CNOT10: variants seen among roughly 807,000 people sequenced by gnomAD.
CNOT10 encodes the protein CCR4-NOT transcription complex subunit 10.
Under a neutral mutation model 94.6 loss-of-function variants are expected in CNOT10, and 30 were observed. That is an observed-to-expected ratio of 0.32 (90% CI 0.24 to 0.43). The LOEUF is 0.43. Ranked by LOEUF, CNOT10 falls within the 20% of genes least tolerant of loss-of-function variation. The pLI, the probability that CNOT10 is intolerant of heterozygous loss-of-function variation, is 1.00. For missense variants in CNOT10, 759 were observed against 877.2 expected (o/e 0.87, Z 1.70); for synonymous variants, 289 against 301.6 (o/e 0.96, Z 0.43).
chr3:32,694,566 T>C (rs1312188719), intron 1 of CNOT10, among the ~76,000 whole-genome samples: 1 of 152,122 alleles, frequency 6.6e-6, no homozygotes, highest in Non-Finnish European at 1.5e-5. Context: ...CATGCTGATA[T>C]TGTTTTTTCT....
chr3:32,751,101 GAA>G (rs112401358), intron 13 of CNOT10, among the ~76,000 whole-genome samples: 1 of 151,114 alleles, frequency 6.6e-6, no homozygotes, highest in African/African-American at 2.4e-5. Context: ...AAATTTCAAT[GAA>G]AAAAAAATTT....
intron 10 of CNOT10, 69 bp from the exon 11 acceptor site, chr3:32,733,354 A>C: frequency 4.4e-4 from 458 of 1,029,662 alleles, no homozygotes; most frequent in Middle Eastern, 6.4e-4. Flanking sequence ...TGTGAGAGAT[A>C]TTCCCTCATT....
At chr3:32,750,250 T>C (rs1699903588) in intron 13 of CNOT10, among the ~76,000 whole-genome samples, 2 of 152,082 alleles carry the variant, frequency 1.3e-5, no homozygotes, top group South Asian at 2.1e-4. Context: ...ATCCCAGCAC[T>C]GTGGGAGGCC....
chr3:32,688,272 A>G (rs1022444163), intron 1 of CNOT10, among the ~76,000 whole-genome samples: 6 of 152,214 alleles, frequency 3.9e-5, no homozygotes, highest in Admixed American at 3.3e-4. Flanking sequence ...TGTAAATAAA[A>G]TGAAAAATAA....
rs1700506370 is a variant in CNOT10 at position 32,762,767 on chromosome 3, A to T, written c.1744A>T (p.Ile582Phe). ...LGHLYAAEAL[I>F]SLDRISDAIT... ...ACATTTATATGCTGCAGAAGCCCTCATCTCTCTCGACAGAATATCTGATGC... is the reference window on the plus strand; with the variant it reads ...ACATTTATATGCTGCAGAAGCCCTCTTCTCTCTCGACAGAATATCTGATGC... Residue 582 changes from isoleucine to phenylalanine, a missense_variant, in exon 15 of 19, where the codon ATC (isoleucine) becomes TTC (phenylalanine). Coordinates refer to ENST00000328834, the MANE Select transcript of CNOT10 (RefSeq NM_015442.3). 1 of 1,592,022 alleles carries T rather than the reference A, an allele frequency of 6.3e-7. No homozygotes were observed. Among genetic ancestry groups the T allele is most frequent in the Non-Finnish European group, 8.5e-7 (1 of 1,174,626 alleles).
chr3:32,685,224 A>C lies in CNOT10; in HGVS notation c.-237A>C. The C allele has an allele frequency of 2.1e-6, 1 of 481,576 alleles. No homozygotes were observed. Among genetic ancestry groups the C allele is most frequent in the Non-Finnish European group, 3.8e-6 (1 of 266,318 alleles). 29.8% of individuals were successfully genotyped at this position (481,576 alleles called of 1,614,324 possible). On this transcript the variant is annotated 5_prime_UTR_variant, in exon 1 of 19. It removes an upstream start codon present in the reference 5' UTR. Coordinates refer to ENST00000328834, the MANE Select transcript of CNOT10 (RefSeq NM_015442.3). Reference sequence around the variant, plus strand: ...GGACGCCGTGAGGCGGAAGCTGTGTATGGCGGGAGGCTGTGGCGGTCCCTT... The same window carrying C: ...GGACGCCGTGAGGCGGAAGCTGTGTCTGGCGGGAGGCTGTGGCGGTCCCTT...
At chr3:32,753,760 G>C in intron 13 of CNOT10, 1 of 1,601,570 alleles carries the variant, frequency 6.2e-7, no homozygotes, top group Non-Finnish European at 8.5e-7. Flanking sequence ...GATCTATTCA[G>C]ATGGTTCTGA....
At chr3:32,719,671 A>C (rs1423803164) in intron 7 of CNOT10, among the ~76,000 whole-genome samples, 1 of 151,774 alleles carries the variant, frequency 6.6e-6, no homozygotes, top group Admixed American at 6.6e-5. Flanking sequence ...TTTTTTTCCT[A>C]TTTGGAAAAG....
chr3:32,691,256 G>A (rs1441201700), intron 1 of CNOT10, among the ~76,000 whole-genome samples: 2 of 151,048 alleles, frequency 1.3e-5, no homozygotes, highest in African/African-American at 4.9e-5. Context: ...CTGTCTCCTG[G>A]GTTCAAGTGA....
At chr3:32,686,654 A>G (rs1696612305) in intron 1 of CNOT10, among the ~76,000 whole-genome samples, 1 of 152,202 alleles carries the variant, frequency 6.6e-6, no homozygotes, top group South Asian at 2.1e-4. Context: ...GGAAAGGTGG[A>G]TGAGGGAGAG....
intron 8 of CNOT10, among the ~76,000 whole-genome samples, chr3:32,721,221 G>T (rs1341127424): frequency 6.6e-6 from 1 of 150,934 alleles, no homozygotes; most frequent in Non-Finnish European, 1.5e-5. Flanking sequence ...GCACCACCAT[G>T]CTCAGCTAAT....
At chr3:32,688,932 G>A (rs559720423) in intron 1 of CNOT10, among the ~76,000 whole-genome samples, 13 of 152,254 alleles carry the variant, frequency 8.5e-5, no homozygotes, top group Non-Finnish European at 1.5e-4. Flanking sequence ...AAGGCCGGAC[G>A]TGGTGGCTCA....
At chr3:32,725,918 G>A (rs1698643849) in intron 9 of CNOT10, among the ~76,000 whole-genome samples, 3 of 133,806 alleles carry the variant, frequency 2.2e-5, no homozygotes. Flanking sequence ...GCCAAACTAG[G>A]TTTATTATAG....
intron 13 of CNOT10, among the ~76,000 whole-genome samples, chr3:32,754,874 G>T (rs1186134141): frequency 6.7e-6 from 1 of 148,658 alleles, no homozygotes; most frequent in Non-Finnish European, 1.5e-5. Context: ...CTGTGGGGTA[G>T]CCCTGTTCTC....
At chr3:32,699,794 G>A (rs1279976747) in intron 1 of CNOT10, among the ~76,000 whole-genome samples, 1 of 152,120 alleles carries the variant, frequency 6.6e-6, no homozygotes, top group Non-Finnish European at 1.5e-5. Context: ...AAAGGAGCCA[G>A]TAAGCAAAAG....
At chr3:32,733,349 G>A in intron 10 of CNOT10, 74 bp from the exon 11 acceptor site, 1 of 1,169,318 alleles carries the variant, frequency 8.6e-7, no homozygotes, top group Non-Finnish European at 1.2e-6. Context: ...GTAATTGTGA[G>A]AGATATTCCC....
chr3:32,771,257 G>T, intron 18 of CNOT10, among the ~76,000 whole-genome samples: 1 of 151,868 alleles, frequency 6.6e-6, no homozygotes, highest in Non-Finnish European at 1.5e-5. Flanking sequence ...AGCCCTGGAG[G>T]TTGAGGCTGC....
intron 1 of CNOT10, among the ~76,000 whole-genome samples, chr3:32,690,747 CCA>C (rs1696812176): frequency 6.6e-6 from 1 of 151,958 alleles, no homozygotes; most frequent in Admixed American, 6.6e-5. Context: ...AGGGGTTTCA[CCA>C]TGTTGGCCAG....
intron 1 of CNOT10, chr3:32,695,666 C>G (rs187904565): frequency 8.9e-5 from 137 of 1,535,856 alleles, no homozygotes; most frequent in Admixed American, 3.1e-4. Flanking sequence ...GTTTGTGGGT[C>G]AAAGAGCTCT....
Sources: gnomAD v4.1 joint callset for allele counts (sites outside exome capture counted in the v4.1 genomes callset) on GRCh38, gnomAD v4.1.1 for gene constraint, MANE v1.5 for transcripts, NCBI Gene and HGNC (gene_info 2026-07-23, HGNC 2026-07-21) for gene names.